Variants in ATP11A observed in about 807,000 individuals in gnomAD.
ATP11A encodes phospholipid-transporting ATPase IH.
A neutral mutation model predicts 154.4 loss-of-function variants in ATP11A; 81 were observed. That is an observed-to-expected ratio of 0.52 (90% CI 0.44 to 0.63). The LOEUF is 0.63. Among genes scored for constraint, ATP11A ranks in the 30% least tolerant of loss-of-function variants. The pLI is 0.00. For synonymous variants in ATP11A, 623 were observed against 585.9 expected (o/e 1.06, Z -0.91); for missense variants, 1,316 against 1,474.3 (o/e 0.89, Z 1.76).
intron 5 of ATP11A, among the ~76,000 whole-genome samples, chr13:112,814,649 TC>T (rs955753312): frequency 6.6e-6 from 1 of 152,160 alleles, no homozygotes; most frequent in African/African-American, 2.4e-5. Context: ...TTGTACTCTG[TC>T]CCAGTCAGTT....
At chr13:112,691,415 G>A (rs1256359434) in intron 1 of ATP11A, among the ~76,000 whole-genome samples, 1 of 146,324 alleles carries the variant, frequency 6.8e-6, no homozygotes, top group Non-Finnish European at 1.5e-5. Context: ...AATGAGCCGA[G>A]ATCGAGCCAC....
At chr13:112,691,483 G>GGTGTGTGTGTGTGTGT (rs58956060) in intron 1 of ATP11A, among the ~76,000 whole-genome samples, 30 of 125,148 alleles carry the variant, frequency 2.4e-4, no homozygotes, top group African/African-American at 8.7e-4. Context: ...AAAAAAAAAG[G>GGTGTGTGTGTGTGTGT]GTGTGTGTGT....
rs1178585053 is a variant in ATP11A, at chr13:112,806,260, C to A, written c.300C>A (p.Leu100=). 8 of 1,613,674 alleles carry A rather than the reference C, an allele frequency of 5.0e-6. No homozygotes were observed. Among genetic ancestry groups the A allele is most frequent in the South Asian group, 1.1e-5 (1 of 91,022 alleles). Residue 100 remains leucine (L), a synonymous_variant, in exon 4 of 30, where the codon CTC becomes CTA. Coordinates refer to ENST00000375645, the MANE Select transcript of ATP11A (RefSeq NM_015205.3). ...PTSPVTSGLP[L]FFVITVTAIK... is the part of the protein sequence containing the mutation. ...GTCCAGTGACAAGCGGACTTCCACT[C>A]TTCTTTGTCATTACTGTGACGGCTA... is the stretch of plus-strand genomic sequence containing the variant.
At chr13:112,707,080 G>T (rs912693347) in intron 1 of ATP11A, among the ~76,000 whole-genome samples, 2 of 152,178 alleles carry the variant, frequency 1.3e-5, no homozygotes, top group African/African-American at 4.8e-5. Context: ...CCCAGGAGCC[G>T]CTGGGAACCA....
At chr13:112,758,570 C>A (rs1346472445) in intron 1 of ATP11A, among the ~76,000 whole-genome samples, 3 of 151,886 alleles carry the variant, frequency 2.0e-5, no homozygotes, top group Non-Finnish European at 4.4e-5. Flanking sequence ...ACTACAGGCG[C>A]CCGCCACCAT....
At chr13:112,822,338 C>T (rs1325175695) in intron 8 of ATP11A, among the ~76,000 whole-genome samples, 1 of 152,182 alleles carries the variant, frequency 6.6e-6, no homozygotes, top group Admixed American at 6.5e-5. Context: ...ACCCTGCCTG[C>T]TGCTTATGTG....
chr13:112,814,560 CCTT>C (rs1186906506), intron 5 of ATP11A, among the ~76,000 whole-genome samples: 1 of 152,092 alleles, frequency 6.6e-6, no homozygotes, highest in Admixed American at 6.5e-5. Flanking sequence ...TTGTTTCTGT[CCTT>C]ATTATTTTGC....
chr13:112,791,152 A>C (rs1048100520), intron 2 of ATP11A, among the ~76,000 whole-genome samples: 2 of 152,214 alleles, frequency 1.3e-5, no homozygotes, highest in Non-Finnish European at 1.5e-5. Flanking sequence ...AATCCCAAAC[A>C]TACTGCTTAG....
At chr13:112,770,933 A>G (rs973675091) in intron 1 of ATP11A, among the ~76,000 whole-genome samples, 13 of 152,194 alleles carry the variant, frequency 8.5e-5, no homozygotes, top group Non-Finnish European at 8.8e-5. Context: ...ACATTTGAAT[A>G]CCGGCCATTA....
chr13:112,802,217 G>T (rs964672430), intron 2 of ATP11A, among the ~76,000 whole-genome samples: 9 of 152,088 alleles, frequency 5.9e-5, no homozygotes, highest in African/African-American at 2.2e-4. Flanking sequence ...GTGGTGGTGG[G>T]CGCCTGTAGT....
intron 19 of ATP11A, among the ~76,000 whole-genome samples, chr13:112,854,958 T>G (rs2140337921): frequency 6.6e-6 from 1 of 152,332 alleles, no homozygotes; most frequent in East Asian, 1.9e-4. Context: ...CAAGAGTTGT[T>G]TTTTTCCCAA....
chr13:112,754,735 G>C lies in ATP11A; in HGVS notation c.40-30400G>C, dbSNP rs2076776672. On this transcript the variant is annotated intron_variant, in intron 1 of 29. Transcript: ENST00000375645. This position sits in a 1 kb window ranked among gnomAD's most constrained non-coding sequence, Gnocchi z 5.3. ...ATTGGCTGGAATGTCTCACACTGCA[G>C]GGCACCTGGCCACCCAGGGGCGTGT... The C allele has an allele frequency of 6.5e-6, 1 of 153,194 alleles. No individual in the cohort carries two copies. Among genetic ancestry groups the C allele is most frequent in the Non-Finnish European group, 1.5e-5 (1 of 68,906 alleles). The allele number at this position is 153,194 out of a possible 1,614,324, so 9.5% of individuals were successfully genotyped here. A position where few individuals can be genotyped will look rare whatever the true frequency, so the allele number is the denominator to read the frequency against.
intron 12 of ATP11A, 77 bp downstream of exon 12, chr13:112,826,968 CCTGTCATCCGAGCGTGG>C: frequency 6.8e-7 from 1 of 1,480,714 alleles, no homozygotes; most frequent in Non-Finnish European, 9.4e-7. Context: ...AGGTCCTGTG[CCTGTCATCCGAGCGTGG>C]CTGTACCTGT....
rs940231373 is a variant in ATP11A, at chr13:112,785,813, A to G, written c.162+556A>G. 1.3e-5 allele frequency among the ~76,000 whole-genome samples: 2 copies of G among 152,204 alleles called. No homozygotes were observed. The highest frequency in any genetic ancestry group is 6.5e-5 in the Admixed American group (1 of 15,284). ...CATGGACTAGAGCGTGGAAGTGCAC[A>G]CACATTTCCCACGTTCAGAGAGTGA... On this transcript the variant is annotated intron_variant, in intron 2 of 29. Coordinates refer to ENST00000375645, the MANE Select transcript of ATP11A (RefSeq NM_015205.3). This position sits in a 1 kb window ranked among gnomAD's most constrained non-coding sequence, Gnocchi z 4.8.
chr13:112,703,127 G>A (rs1299820450), intron 1 of ATP11A, among the ~76,000 whole-genome samples: 1 of 152,214 alleles, frequency 6.6e-6, no homozygotes, highest in Non-Finnish European at 1.5e-5. Context: ...AATACTGCAG[G>A]CTGCATGGTT....
At chr13:112,826,586 A>T in intron 11 of ATP11A, 108 bp from the exon 12 acceptor site, 1 of 873,748 alleles carries the variant, frequency 1.1e-6, no homozygotes. Flanking sequence ...TGTATTTAGT[A>T]GTAGCGCTCG....
At chr13:112,744,157 G>A (rs1304075295) in intron 1 of ATP11A, among the ~76,000 whole-genome samples, 4 of 152,204 alleles carry the variant, frequency 2.6e-5, no homozygotes, top group Non-Finnish European at 5.9e-5. Context: ...AAGAAGGCAG[G>A]AGAATGTCGC....
intron 1 of ATP11A, among the ~76,000 whole-genome samples, chr13:112,764,361 A>G (rs1035760153): frequency 2.0e-5 from 3 of 152,236 alleles, no homozygotes; most frequent in Non-Finnish European, 4.4e-5. Flanking sequence ...GGTTTGTAGA[A>G]GTTCCTGGTG....
intron 4 of ATP11A, among the ~76,000 whole-genome samples, chr13:112,809,858 C>A (rs1194480465): frequency 6.6e-6 from 1 of 152,206 alleles, no homozygotes; most frequent in Non-Finnish European, 1.5e-5. Context: ...ACCTGACTGT[C>A]CAACCAGAGG....
Sources: gnomAD v4.1 joint callset for allele counts (sites outside exome capture counted in the v4.1 genomes callset) on GRCh38, gnomAD v4.1.1 for gene constraint, Gnocchi (gnomAD v3.1) non-coding constraint, MANE v1.5 for transcripts, NCBI Gene and HGNC (gene_info 2026-07-23, HGNC 2026-07-21) for gene names.